Variants in MBIP observed in about 807,000 individuals in gnomAD.
MBIP encodes the protein MAP3K12 binding inhibitory protein 1.
In MBIP, 32 loss-of-function variants were observed where a neutral mutation model predicts 45.7. That is an observed-to-expected ratio of 0.70 (90% CI 0.53 to 0.94). The LOEUF (loss-of-function observed/expected upper bound fraction) is 0.94. MBIP is among the 40% of genes least tolerant of loss of function. The pLI is 0.00. For synonymous variants in MBIP, 145 were observed against 141.0 expected (o/e 1.03, Z -0.20); for missense variants, 381 against 405.5 (o/e 0.94, Z 0.52).
chr14:36,314,652 AAAT>A (rs762921881), intron 3 of MBIP, 36 bp downstream of exon 3: 3 of 1,606,208 alleles, frequency 1.9e-6, no homozygotes, highest in South Asian at 2.2e-5. Context: ...AGATTTTTTA[AAAT>A]AATACCCTCT....
At chr14:36,319,825 CT>C (rs1277424395) in intron 1 of MBIP, 1 of 181,420 alleles carries the variant, frequency 5.5e-6, no homozygotes, top group Non-Finnish European at 1.2e-5. Context: ...TATGACATTT[CT>C]GCAAAAGCGA....
intron 7 of MBIP, among the ~76,000 whole-genome samples, chr14:36,304,511 G>GT (rs1879759456): frequency 6.6e-6 from 1 of 152,186 alleles, no homozygotes; most frequent in African/African-American, 2.4e-5. Context: ...TTTAAAATCA[G>GT]TAAGTCTTTG....
At chr14:36,305,427 GAT>G (rs1879807955) in intron 7 of MBIP, 1 of 151,884 alleles carries the variant, frequency 6.6e-6, no homozygotes, top group South Asian at 2.1e-4. Flanking sequence ...TCTTCTAAAA[GAT>G]ATATAGTTTT....
intron 2 of MBIP, among the ~76,000 whole-genome samples, chr14:36,315,225 T>C (rs993847840): frequency 1.3e-5 from 2 of 152,186 alleles, no homozygotes; most frequent in African/African-American, 4.8e-5. Context: ...CTGTCACTCA[T>C]CTTTTATTTT....
chr14:36,306,541 G>A (rs909228715), intron 7 of MBIP, among the ~76,000 whole-genome samples: 4 of 152,126 alleles, frequency 2.6e-5, no homozygotes, highest in African/African-American at 7.2e-5. Flanking sequence ...CCAAAGTGCT[G>A]GGATTACAGG....
At chr14:36,299,308 T>C in intron 8 of MBIP, 118 bp from the exon 9 acceptor site, 1 of 677,076 alleles carries the variant, frequency 1.5e-6, no homozygotes, top group South Asian at 2.0e-5. Flanking sequence ...AATGGTTTTT[T>C]TCCCTCATGA....
At chr14:36,314,971 CACTT>C (rs1359082232) in intron 2 of MBIP, 56 bp from the exon 3 acceptor site, 17 of 977,926 alleles carry the variant, frequency 1.7e-5, no homozygotes, top group Non-Finnish European at 2.6e-5. Flanking sequence ...ATTAATTACA[CACTT>C]AATATATTTA....
chr14:36,315,333 CCTT>C (rs1880502852), intron 2 of MBIP, among the ~76,000 whole-genome samples: 1 of 152,030 alleles, frequency 6.6e-6, no homozygotes. Flanking sequence ...TATTTTTCCT[CCTT>C]AACACGAGAG....
chr14:36,300,684 G>T, intron 8 of MBIP, 101 bp downstream of exon 8: 1 of 796,572 alleles, frequency 1.3e-6, no homozygotes, highest in Non-Finnish European at 2.0e-6. Flanking sequence ...TTTTACCAGG[G>T]TATGACCTAA....
In MBIP at chr14:36,300,828, A is replaced by G; in HGVS notation, c.889-5T>C. On this transcript the variant is annotated splice_polypyrimidine_tract_variant and splice_region_variant and intron_variant, in intron 7 of 8. Coordinates refer to ENST00000416007, the MANE Select transcript of MBIP (RefSeq NM_016586.3). ...TCTTCTTTTTCCAGAAAAGCTCTAGATTAAAAAAAAAAAGGTAATGTTTAG... is the reference window on the plus strand; with the variant it reads ...TCTTCTTTTTCCAGAAAAGCTCTAGGTTAAAAAAAAAAAGGTAATGTTTAG... 2 of 1,485,392 alleles carry G rather than the reference A, an allele frequency of 1.3e-6. No individual in the cohort carries two copies. The highest frequency in any genetic ancestry group is 1.8e-6 in the Non-Finnish European group (2 of 1,089,068). 92.0% of individuals were successfully genotyped at this position (1,485,392 alleles called of 1,614,324 possible). A position where few individuals can be genotyped will look rare whatever the true frequency, so the allele number is the denominator to read the frequency against.
At chr14:36,299,836 C>G (rs1336261547) in intron 8 of MBIP, among the ~76,000 whole-genome samples, 1 of 152,016 alleles carries the variant, frequency 6.6e-6, no homozygotes, top group Non-Finnish European at 1.5e-5. Context: ...TCAAGTCTAC[C>G]TATGTGAACA....
chr14:36,312,413 C>T (rs1465698070), intron 4 of MBIP, among the ~76,000 whole-genome samples: 1 of 152,050 alleles, frequency 6.6e-6, no homozygotes, highest in Non-Finnish European at 1.5e-5. Context: ...TTTAATTCAG[C>T]ATTTTTTATT....
chr14:36,300,056 T>C (rs1358039390), intron 8 of MBIP, among the ~76,000 whole-genome samples: 3 of 152,226 alleles, frequency 2.0e-5, no homozygotes, highest in East Asian at 3.8e-4. Context: ...TTTTATGTTA[T>C]GTGAATTGTA....
chr14:36,318,274 G>C (rs955337977), intron 1 of MBIP, among the ~76,000 whole-genome samples: 1 of 151,882 alleles, frequency 6.6e-6, no homozygotes, highest in Non-Finnish European at 1.5e-5. Flanking sequence ...ATTTTCTAGA[G>C]AAAATAACTT....
intron 1 of MBIP, chr14:36,319,638 A>C: frequency 2.4e-6 from 1 of 409,748 alleles, no homozygotes; most frequent in Non-Finnish European, 4.8e-6. Flanking sequence ...TACCAGCCCC[A>C]AAACAAACTT....
chr14:36,316,765 C>A lies in MBIP; in HGVS notation c.177G>T (p.Lys59Asn), dbSNP rs1880598337. The A allele has an allele frequency of 6.2e-7, 1 of 1,612,792 alleles. No homozygotes were observed. Residue 59 changes from lysine (K) to asparagine (N), a missense_variant, in exon 2 of 9, where the codon AAG becomes AAT. Lys to Asn is a moderately conservative substitution (Grantham distance 94). Coordinates refer to ENST00000416007, the MANE Select transcript of MBIP (RefSeq NM_016586.3). ...GCTGGAATGCCGAGAGGCTCTGGAG[C>A]TTGTTCCAATCGATTGTAATTTTCA... ...DVVKITIDWN[K>N]LQSLSAFQPA...
rs1263685666 is a variant in MBIP, at chr14:36,299,142, G to T, written c.976C>A (p.Gln326Lys). ...TCTCTTGATTTTCTGAGGAGGGCTTGTTTGAGGGCACTAATTTTCTCATCA... is the reference window on the plus strand; with the variant it reads ...TCTCTTGATTTTCTGAGGAGGGCTTTTTTGAGGGCACTAATTTTCTCATCA... ...ELDEKISALK[Q>K]ALLRKSREAE... The change falls in exon 9 of 9, where the codon CAA (glutamine) becomes AAA (lysine). Residue 326 changes from glutamine to lysine, a missense_variant. Transcript: ENST00000416007. The T allele has an allele frequency of 1.2e-6, 2 of 1,613,734 alleles. No individual in the cohort carries two copies. The highest frequency in any genetic ancestry group is 2.7e-5 in the African/African-American group (2 of 74,892).
chr14:36,320,424 G>A (rs1880827387), intron 1 of MBIP, 36 bp downstream of exon 1: 1 of 1,613,436 alleles, frequency 6.2e-7, no homozygotes, highest in Non-Finnish European at 8.5e-7. Context: ...GGACCGGATG[G>A]TTTCCATATT....
intron 7 of MBIP, among the ~76,000 whole-genome samples, chr14:36,306,181 T>A (rs1566549271): frequency 6.6e-6 from 1 of 152,082 alleles, no homozygotes. Context: ...CTATCCTATC[T>A]GTAACAGATC....
Sources: gnomAD v4.1 joint callset for allele counts (sites outside exome capture counted in the v4.1 genomes callset) on GRCh38, gnomAD v4.1.1 for gene constraint, MANE v1.5 for transcripts, NCBI Gene and HGNC (gene_info 2026-07-23, HGNC 2026-07-21) for gene names.